DNAJC12: variants seen among roughly 807,000 people sequenced by gnomAD.
The protein encoded by DNAJC12 is DnaJ heat shock protein family (Hsp40) member C12.
In DNAJC12, 25 loss-of-function variants were observed where a neutral mutation model predicts 28.5. The ratio of observed to expected loss-of-function variants is 0.88; its 90% confidence interval spans 0.64 to 1.22. The LOEUF (loss-of-function observed/expected upper bound fraction) is 1.22. DNAJC12 is among the 50% of genes most tolerant of loss of function. The pLI, the probability that DNAJC12 is intolerant of heterozygous loss-of-function variation, is 0.00. For missense variants in DNAJC12, 222 were observed against 231.7 expected, an observed-to-expected ratio of 0.96 and a Z score of 0.27; for synonymous variants, 77 against 80.6, an observed-to-expected ratio of 0.95 and a Z score of 0.24.
At chr10:67,812,725 G>A (rs1841873398) in intron 2 of DNAJC12, among the ~76,000 whole-genome samples, 4 of 151,940 alleles carry the variant, frequency 2.6e-5, no homozygotes, top group Admixed American at 2.0e-4. Flanking sequence ...GTGGTGGCAG[G>A]CGCCTGTATT....
rs747741943 is a variant in DNAJC12, at chr10:67,797,108, G to C, written c.*8C>G. The C allele has an allele frequency of 7.5e-6, 12 of 1,608,926 alleles. No individual in the cohort carries two copies. Among genetic ancestry groups the C allele is most frequent in the Non-Finnish European group, 1.0e-5 (12 of 1,176,582 alleles). ...TTGCTCTTCCTCATTTTTTGAAGCAGAGATATTTCATATTTCATAGTTTCT... is the reference window on the plus strand; with the variant it reads ...TTGCTCTTCCTCATTTTTTGAAGCACAGATATTTCATATTTCATAGTTTCT... On this transcript the variant is annotated 3_prime_UTR_variant, in exon 5 of 5. Coordinates refer to ENST00000225171, the MANE Select transcript of DNAJC12 (RefSeq NM_021800.3).
rs191178911 is a variant in DNAJC12, at chr10:67,807,015, A to G, written c.298-1228T>C. Among the ~76,000 whole-genome samples the G allele has an allele frequency of 1.6e-4, 24 of 152,238 alleles. No homozygotes were observed. In the East Asian group the frequency reaches 3.9e-3, roughly 25 times the overall value. Reference sequence around the variant, plus strand: ...CAGTGGCTCACACCTTAATCCCAGCACTCTGGGAGGCCTAGGTGGATGGAT... The same window carrying G: ...CAGTGGCTCACACCTTAATCCCAGCGCTCTGGGAGGCCTAGGTGGATGGAT... On this transcript the variant is annotated intron_variant, in intron 3 of 4. Transcript: ENST00000225171.
chr10:67,807,464 T>G (rs1315527338), intron 3 of DNAJC12, among the ~76,000 whole-genome samples: 1 of 152,096 alleles, frequency 6.6e-6, no homozygotes, highest in South Asian at 2.1e-4. Flanking sequence ...AACGTTAATT[T>G]TTAAAAGAGG....
At chr10:67,829,008 G>A (rs146459465) in intron 1 of DNAJC12, among the ~76,000 whole-genome samples, 28 of 152,076 alleles carry the variant, frequency 1.8e-4, no homozygotes, top group African/African-American at 5.8e-4. Flanking sequence ...GCAGAGGGAG[G>A]TGGGGGGAAA....
chr10:67,804,795 G>A (rs973288715), intron 4 of DNAJC12, among the ~76,000 whole-genome samples: 9 of 152,154 alleles, frequency 5.9e-5, no homozygotes, highest in African/African-American at 2.2e-4. Context: ...ACTTTGGGAG[G>A]CCCAGGCAGG....
At chr10:67,822,857 T>C (rs1841993901) in intron 2 of DNAJC12, among the ~76,000 whole-genome samples, 1 of 151,518 alleles carries the variant, frequency 6.6e-6, no homozygotes, top group Non-Finnish European at 1.5e-5. Context: ...TAGCTGGGCA[T>C]GGTGGTGCAC....
At chr10:67,818,828 T>G (rs1841941627) in intron 2 of DNAJC12, among the ~76,000 whole-genome samples, 1 of 152,048 alleles carries the variant, frequency 6.6e-6, no homozygotes, top group Non-Finnish European at 1.5e-5. Flanking sequence ...GCTAATTTTG[T>G]ATTTTTAGTA....
intron 1 of DNAJC12, chr10:67,833,907 T>C (rs1403256432): frequency 2.1e-6 from 1 of 480,942 alleles, no homozygotes; most frequent in Non-Finnish European, 4.3e-6. Flanking sequence ...CAGTGGTGGC[T>C]ATTACTGAGG....
Position 67,838,130 on chromosome 10 carries a change from A to T in DNAJC12, c.-119T>A. On this transcript the variant is annotated 5_prime_UTR_variant, in exon 1 of 5. Transcript: ENST00000225171. ...CAGCATGTTCCACATAGCAAAAACTAGCTTTAAGACTGGCCACAGTCAATA... is the reference window on the plus strand; with the variant it reads ...CAGCATGTTCCACATAGCAAAAACTTGCTTTAAGACTGGCCACAGTCAATA... 1 of 645,220 alleles carries T rather than the reference A, an allele frequency of 1.5e-6. No homozygotes were observed. Among genetic ancestry groups the T allele is most frequent in the Non-Finnish European group, 2.6e-6 (1 of 378,872 alleles). The allele number at this position is 645,220 out of a possible 1,614,324, so 40.0% of individuals were successfully genotyped here. A position where few individuals can be genotyped will look rare whatever the true frequency, so the allele number is the denominator to read the frequency against.
At chr10:67,798,091 T>C (rs1398154152) in intron 4 of DNAJC12, among the ~76,000 whole-genome samples, 2 of 151,790 alleles carry the variant, frequency 1.3e-5, no homozygotes, top group Admixed American at 1.3e-4. Flanking sequence ...TTTTACTCCT[T>C]GAAATGTATC....
intron 2 of DNAJC12, among the ~76,000 whole-genome samples, chr10:67,817,189 A>G (rs886896684): frequency 6.6e-6 from 1 of 152,340 alleles, no homozygotes; most frequent in African/African-American, 2.4e-5. Flanking sequence ...GCCAGCATCC[A>G]TTAAGCACTT....
At chr10:67,825,068 A>G (rs1842016805) in intron 1 of DNAJC12, among the ~76,000 whole-genome samples, 2 of 152,164 alleles carry the variant, frequency 1.3e-5, no homozygotes, top group African/African-American at 4.8e-5. Context: ...GTTCTGCTAC[A>G]AGGCTTTAGG....
chr10:67,820,777 CTTTTTTTTT>C (rs71006170), intron 2 of DNAJC12, among the ~76,000 whole-genome samples: 1 of 68,520 alleles, frequency 1.5e-5, no homozygotes, highest in Non-Finnish European at 2.8e-5. Context: ...TTCTTTTTTC[CTTTTTTTTT>C]TTTTTTTTTT....
chr10:67,820,777 C>CTTT (rs71006170), intron 2 of DNAJC12, among the ~76,000 whole-genome samples: 15 of 68,520 alleles, frequency 2.2e-4, no homozygotes, highest in Non-Finnish European at 3.3e-4. Flanking sequence ...TTCTTTTTTC[C>CTTT]TTTTTTTTTT....
chr10:67,797,196 T>G lies in DNAJC12; in HGVS notation c.517A>C (p.Asn173His). 6.2e-7 allele frequency: 1 copy of G among 1,613,796 alleles called. No homozygotes were observed. The change falls in exon 5 of 5, where the codon AAT becomes CAT. Residue 173 changes from asparagine to histidine, a missense_variant. By Grantham distance (68) the Asn-to-His change is moderately conservative. Transcript: ENST00000225171. ...CAGCGGAAACGAAGGTGCCAACCAT[T>G]CACATCTGCAAAACCTTTAAAGGAA... is the stretch of plus-strand genomic sequence containing the variant. Reference protein sequence around the residue: ...NSDSSGFADVNGWHLRFRWSK... With the variant: ...NSDSSGFADVHGWHLRFRWSK...
Position 67,797,900 on chromosome 10 carries a change from C to T in DNAJC12, c.503-690G>A, listed in dbSNP as rs572928623. 6.6e-5 allele frequency among the ~76,000 whole-genome samples: 10 copies of T among 151,950 alleles called. No individual in the cohort carries two copies. In the East Asian group the frequency reaches 1.6e-3, roughly 24 times the overall value. On this transcript the variant is annotated intron_variant, in intron 4 of 4. Coordinates refer to ENST00000225171, the MANE Select transcript of DNAJC12 (RefSeq NM_021800.3). ...CTAAAAATACAAAAAATTAGCCGGG[C>T]GTGGTGGCGGGCGCCTGTACTCCCA...
At chr10:67,831,305 T>TAAACA (rs1211440654) in intron 1 of DNAJC12, among the ~76,000 whole-genome samples, 1 of 152,238 alleles carries the variant, frequency 6.6e-6, no homozygotes, top group Non-Finnish European at 1.5e-5. Flanking sequence ...TCCAAAATGT[T>TAAACA]AAACATGTAG....
intron 1 of DNAJC12, among the ~76,000 whole-genome samples, chr10:67,826,504 T>C (rs1056245527): frequency 6.9e-6 from 1 of 145,068 alleles, no homozygotes; most frequent in Non-Finnish European, 1.5e-5. Context: ...TATATGCATA[T>C]ATATCATATA....
At chr10:67,819,660 GAGAAAGAAAGAAAGAAAGAA>G (rs60688341) in intron 2 of DNAJC12, among the ~76,000 whole-genome samples, 1,540 of 34,956 alleles carry the variant, frequency 0.044, 98 homozygotes, top group Admixed American at 0.15. Context: ...AAGAAAGAAA[GAGAAAGAAAGAAAGAAAGAA>G]AGAAAGAAAG....
Sources: allele counts gnomAD v4.1 joint callset (sites outside exome capture counted in the v4.1 genomes callset), GRCh38; gene constraint gnomAD v4.1.1; transcripts MANE v1.5; gene names NCBI Gene and HGNC (gene_info 2026-07-23, HGNC 2026-07-21).